Variants in EMC1 observed in about 807,000 individuals in gnomAD.
EMC1 encodes ER membrane protein complex subunit 1.
In EMC1, 103 loss-of-function variants were observed where a neutral mutation model predicts 128.8. That is an observed-to-expected ratio of 0.80 (90% confidence interval 0.68 to 0.94). The LOEUF (loss-of-function observed/expected upper bound fraction) is 0.94. Ranked by LOEUF, EMC1 falls within the 40% of genes least tolerant of loss-of-function variation. EMC1 has a pLI of 0.00. For synonymous variants in EMC1, 442 were observed against 490.4 expected (o/e 0.90, Z 1.30); for missense variants, 1,083 against 1,250.6 (o/e 0.87, Z 2.02).
intron 13 of EMC1, among the ~76,000 whole-genome samples, chr1:19,234,505 G>A (rs979920509): frequency 2.0e-5 from 3 of 152,140 alleles, no homozygotes; most frequent in African/African-American, 7.2e-5. Flanking sequence ...AAGGTGCCTG[G>A]CAAATTTTTA....
At chr1:19,232,597 G>GT in intron 15 of EMC1, 27 bp downstream of exon 15, 1 of 1,613,464 alleles carries the variant, frequency 6.2e-7, no homozygotes, top group Non-Finnish European at 8.5e-7. Context: ...CACTGAGTCT[G>GT]GCTCAAGTCA....
Position 19,242,311 on chromosome 1 carries a change from GAGGCAGCTATTGCCTGTGAGC to G in EMC1, c.509+13_509+33del. 6.2e-7 allele frequency: 1 copy of G among 1,613,286 alleles called. No individual in the cohort carries two copies. Among genetic ancestry groups the G allele is most frequent in the East Asian group, 2.2e-5 (1 of 44,882 alleles). The stretch of plus-strand genomic sequence containing the variant: ...AAGAGGAGCTCCTAGAGAGTAGAAC[GAGGCAGCTATTGCCTGTGAGC>G]AGGCAGCCTTACCTTTCTGGGAGAT... On this transcript the variant is annotated intron_variant, in intron 5 of 22. Coordinates refer to ENST00000477853, the MANE Select transcript of EMC1 (RefSeq NM_015047.3).
intron 17 of EMC1, among the ~76,000 whole-genome samples, chr1:19,228,914 T>C (rs1055741404): frequency 2.6e-5 from 4 of 152,082 alleles, no homozygotes; most frequent in African/African-American, 9.7e-5. Flanking sequence ...TAGCCAGGCA[T>C]GGTGGCGTGC....
chr1:19,230,819 G>A, intron 17 of EMC1, 25 bp downstream of exon 17: 1 of 1,613,680 alleles, frequency 6.2e-7, no homozygotes, highest in Non-Finnish European at 8.5e-7. Context: ...TCCACAAAGG[G>A]TTGTGCCAGG....
chr1:19,237,367 T>C (rs1042658996), intron 11 of EMC1, 129 bp from the exon 12 acceptor site: 5 of 726,838 alleles, frequency 6.9e-6, no homozygotes, highest in African/African-American at 1.7e-5. Flanking sequence ...GTCTAAACAA[T>C]GTAGCTATTA....
At chr1:19,236,275 G>A (rs1408062569) in intron 12 of EMC1, among the ~76,000 whole-genome samples, 3 of 150,924 alleles carry the variant, frequency 2.0e-5, no homozygotes, top group East Asian at 2.0e-4. Flanking sequence ...CAGGAGAATC[G>A]CTTGAACCAG....
In EMC1 at chr1:19,223,635, G is replaced by A. The variant is rs963735637; in HGVS notation, c.2203-66C>T. The A allele has an allele frequency of 3.0e-5, 44 of 1,480,638 alleles. No individual in the cohort carries two copies. In the Admixed American group the frequency reaches 6.9e-4, roughly 23 times the overall value. The allele number at this position is 1,480,638 out of a possible 1,614,324, so 91.7% of individuals were successfully genotyped here. A position where few individuals can be genotyped will look rare whatever the true frequency, so the allele number is the denominator to read the frequency against. ...TCATCACACACTCCATTCCTGTGCT[G>A]TGAGACCAACCTGGAGCTCTCCAGC... On this transcript the variant is annotated intron_variant, in intron 18 of 22. Transcript: ENST00000477853.
chr1:19,223,397 A>T lies in EMC1; in HGVS notation c.2375T>A (p.Val792Glu). The change falls in exon 19 of 23, where the codon GTG becomes GAG. Residue 792 changes from valine to glutamate, a missense_variant and splice_region_variant. Coordinates refer to ENST00000477853, the MANE Select transcript of EMC1 (RefSeq NM_015047.3). ...VHIVHSENWV[V>E]YQYWNTKARR... ...GGGTCCCTGGTAGTGACCGCTTACC[A>T]CCACCCAGTTCTCTGAATGCACGAT... 6.2e-7 allele frequency: 1 copy of T among 1,613,568 alleles called. No homozygotes were observed. Among genetic ancestry groups the T allele is most frequent in the Non-Finnish European group, 8.5e-7 (1 of 1,179,562 alleles).
intron 15 of EMC1, among the ~76,000 whole-genome samples, chr1:19,232,238 A>C (rs1189342325): frequency 6.6e-6 from 1 of 152,224 alleles, no homozygotes; most frequent in African/African-American, 2.4e-5. Context: ...CCGTTCCAGG[A>C]AAGTGTCTAC....
intron 6 of EMC1, 160 bp from the exon 7 acceptor site, chr1:19,240,606 A>C: frequency 1.4e-6 from 1 of 698,106 alleles, no homozygotes. Flanking sequence ...CTGAAACCCC[A>C]CCCTCCAACC....
chr1:19,243,643 C>T lies in EMC1; in HGVS notation c.351G>A (p.Leu117=), dbSNP rs1337116030. 2 of 1,614,054 alleles carry T rather than the reference C, an allele frequency of 1.2e-6. No individual in the cohort carries two copies. Among genetic ancestry groups the T allele is most frequent in the Non-Finnish European group, 1.7e-6 (2 of 1,180,046 alleles). ...MRSWETNIGG[L]NWEITLDSGS... is the part of the protein sequence containing the mutation. ...CACTGTCCAGGGTTATCTCCCAGTT[C>T]AGGCCCCCGATGTTAGTCTCCCAGG... Residue 117 remains leucine, a synonymous_variant, in exon 4 of 23, where the codon CTG becomes CTA. Transcript: ENST00000477853.
In EMC1 at chr1:19,239,242, G is replaced by C; in HGVS notation, c.1015C>G (p.Arg339Gly). 1 of 1,613,870 alleles carries C rather than the reference G, an allele frequency of 6.2e-7. No homozygotes were observed. The change falls in exon 9 of 23, where the codon CGG becomes GGG. Residue 339 changes from arginine to glycine, a missense_variant. Transcript: ENST00000477853. ...EKTVAAVMAC[R>G]NEVQKSSSSE... ...TTCTCAATACTCACCACTTCATTCC[G>C]ACAGGCCATGACTGCAGCCACCGTC...
At chr1:19,239,702 T>A in intron 8 of EMC1, 116 bp downstream of exon 8, 1 of 1,012,452 alleles carries the variant, frequency 9.9e-7, no homozygotes, top group East Asian at 2.5e-5. Context: ...TACGGGAAGG[T>A]GTCATCAATC....
At position 19,238,840 on chromosome 1, in the gene EMC1, A is replaced by G. The variant is rs2093585652; in HGVS notation, c.1044T>C (p.Ser348=). The G allele has an allele frequency of 3.1e-6, 5 of 1,610,338 alleles. No homozygotes were observed. The highest frequency in any genetic ancestry group is 1.1e-5 in the South Asian group (1 of 90,990). ...CRNEVQKSSS[S]EDGSMGSFSE... ...AAAAGCTCCCCATTGACCCATCTTCAGAACTGCTACTTTTCTGCTATGAGA... is the reference window on the plus strand; with the variant it reads ...AAAAGCTCCCCATTGACCCATCTTCGGAACTGCTACTTTTCTGCTATGAGA... The change falls in exon 10 of 23, where the codon TCT becomes TCC. Residue 348 remains serine (S), a synonymous_variant. Coordinates refer to ENST00000477853, the MANE Select transcript of EMC1 (RefSeq NM_015047.3).
intron 18 of EMC1, among the ~76,000 whole-genome samples, chr1:19,225,161 G>A (rs710875): frequency 0.63 from 95,802 of 152,094 alleles, 30,988 homozygotes; most frequent in African/African-American, 0.77. Flanking sequence ...AGTTTTGTCT[G>A]TTTTGCCCAT....
Position 19,230,969 on chromosome 1 carries a change from A to T in EMC1, c.1945-6T>A. 1 of 1,613,946 alleles carries T rather than the reference A, an allele frequency of 6.2e-7. No homozygotes were observed. Among genetic ancestry groups the T allele is most frequent in the South Asian group, 1.1e-5 (1 of 91,070 alleles). ...GTGGCTGGAAAAGCTGTGACCTTGA[A>T]AAACCCAGAGAGCCCAAGGAAAGAG... is the stretch of plus-strand genomic sequence containing the variant. On this transcript the variant is annotated splice_polypyrimidine_tract_variant and splice_region_variant and intron_variant, in intron 16 of 22. Coordinates refer to ENST00000477853, the MANE Select transcript of EMC1 (RefSeq NM_015047.3).
chr1:19,223,401 C>T lies in EMC1; in HGVS notation c.2371G>A (p.Val791Met). 6.2e-7 allele frequency: 1 copy of T among 1,613,984 alleles called. No homozygotes were observed. The highest frequency in any genetic ancestry group is 8.5e-7 in the Non-Finnish European group (1 of 1,179,868). ...PVHIVHSENW[V>M]VYQYWNTKAR... ...CCCTGGTAGTGACCGCTTACCACCA[C>T]CCAGTTCTCTGAATGCACGATATGG... The change falls in exon 19 of 23, where the codon GTG (valine) becomes ATG (methionine). Residue 791 changes from valine (V) to methionine (M), a missense_variant. Val to Met is a conservative substitution (Grantham distance 21, BLOSUM62 1). Transcript: ENST00000477853.
intron 4 of EMC1, 63 bp from the exon 5 acceptor site, chr1:19,242,536 TC>T: frequency 6.3e-7 from 1 of 1,590,678 alleles, no homozygotes; most frequent in Admixed American, 1.7e-5. Flanking sequence ...GGAGAGACAG[TC>T]CAGAACAGTA....
chr1:19,244,408 T>C (rs1368885377), intron 2 of EMC1, among the ~76,000 whole-genome samples: 1 of 152,210 alleles, frequency 6.6e-6, no homozygotes, highest in Non-Finnish European at 1.5e-5. Context: ...AATGTGTTTT[T>C]TGCAGCAGCA....
Sources: allele counts gnomAD v4.1 joint callset (sites outside exome capture counted in the v4.1 genomes callset), GRCh38; gene constraint gnomAD v4.1.1; transcripts MANE v1.5; gene names NCBI Gene and HGNC (gene_info 2026-07-23, HGNC 2026-07-21).